The following TONSL variants were observed in gnomAD, a reference collection of about 807,000 sequenced individuals.
TONSL encodes the protein tonsoku-like protein.
TONSL carries 112 observed loss-of-function variants against 147.1 expected under a neutral mutation model. The ratio of observed to expected loss-of-function variants is 0.76; its 90% CI spans 0.65 to 0.89. TONSL has a LOEUF of 0.89. Ranked by LOEUF, TONSL falls within the 40% of genes least tolerant of loss-of-function variation. The probability of loss-of-function intolerance (pLI) is 0.00; values close to 1 mark genes in which losing one functional copy is unlikely to be tolerated. For synonymous variants in TONSL, 868 were observed against 801.5 expected (o/e 1.08, Z -1.40); for missense variants, 1,883 against 1,864.6 (o/e 1.01, Z -0.18).
At position 144,435,038 on chromosome 8, in the gene TONSL, A is replaced by C. The variant is rs772773798; in HGVS notation, c.2985T>G (p.Asp995Glu). The C allele has an allele frequency of 1.2e-6, 2 of 1,612,494 alleles. No individual in the cohort carries two copies. Among genetic ancestry groups the C allele is most frequent in the South Asian group, 2.2e-5 (2 of 90,946 alleles). The part of the protein sequence containing the change: ...ALLAPQDLIP[D>E]VLQSNDEVLA... Reference sequence around the variant, plus strand: ...TCACCTCGTCATTGCTCTGCAGCACATCAGGGATGAGGTCCTGTGGGGCCA... The same window carrying C: ...TCACCTCGTCATTGCTCTGCAGCACCTCAGGGATGAGGTCCTGTGGGGCCA... Residue 995 changes from aspartate to glutamate, a missense_variant, in exon 19 of 26, where the codon GAT becomes GAG. By Grantham distance (45) the Asp-to-Glu change is conservative (BLOSUM62 2). Transcript: ENST00000409379.
intron 3 of TONSL, among the ~76,000 whole-genome samples, chr8:144,443,643 C>T (rs2129702561): frequency 6.6e-6 from 1 of 152,358 alleles, no homozygotes; most frequent in African/African-American, 2.4e-5. Context: ...AACACAAACA[C>T]AGCTAAAATA....
Position 144,444,017 on chromosome 8 carries a change from G to T in TONSL, c.129C>A (p.Tyr43Ter). 6.5e-7 allele frequency: 1 copy of T among 1,536,836 alleles called. No individual in the cohort carries two copies. The change falls in exon 3 of 26, where the codon TAC becomes TAA. Residue 43 changes from tyrosine to a stop codon, truncating the protein, a stop_gained. Transcript: ENST00000409379. LOFTEE classifies it high-confidence loss of function. ...LGELLAGHGR[Y>*]AEALEQHWQE... is the part of the protein sequence containing the mutation. ...GCCAGTGCTGCTCCAGAGCCTCGGC[G>T]TAGCGGCCTAGGCGGGGGCACAGCA...
At chr8:144,431,832 CT>C (rs35278312) in intron 23 of TONSL, among the ~76,000 whole-genome samples, 63,620 of 124,470 alleles carry the variant, frequency 0.51, 15,022 homozygotes, top group Middle Eastern at 0.64. Context: ...CTTTTTCTTT[CT>C]TTTTTTTTTT....
At chr8:144,439,595 C>G (rs886611313) in intron 11 of TONSL, among the ~76,000 whole-genome samples, 1 of 152,246 alleles carries the variant, frequency 6.6e-6, no homozygotes, top group African/African-American at 2.4e-5. Context: ...TCAGTCCAAG[C>G]CCCGCTCCAG....
rs1440254660 is a variant in TONSL, at chr8:144,436,106, G to A, written c.2327C>T (p.Pro776Leu). Residue 776 changes from proline to leucine, a missense_variant, in exon 17 of 26, where the codon CCC becomes CTC. Pro to Leu is a moderately conservative substitution (Grantham distance 98). Coordinates refer to ENST00000409379, the MANE Select transcript of TONSL (RefSeq NM_013432.5). The part of the protein sequence containing the change: ...AQRVAAWTPG[P>L]ASNREAATAS... ...TGTGGCTGCTTCCCTGTTGCTGGCG[G>A]GGCCAGGCGTCCAGGCTGCCACCCG... is the stretch of plus-strand genomic sequence containing the variant. 6.4e-6 allele frequency: 10 copies of A among 1,558,486 alleles called. No homozygotes were observed. Among genetic ancestry groups the A allele is most frequent in the African/African-American group, 1.4e-5 (1 of 73,900 alleles).
At position 144,443,810 on chromosome 8, in the gene TONSL, C is replaced by G; in HGVS notation, c.264+72G>C. On this transcript the variant is annotated intron_variant, in intron 3 of 25. Transcript: ENST00000409379. ...AGCCCGAGGCTCCTGACGGCGAAGA[C>G]CAGGCCTCCCTCCTCAGAAAAGGGC... 8 of 1,525,268 alleles carry G rather than the reference C, an allele frequency of 5.2e-6. No homozygotes were observed. In the South Asian group the frequency reaches 9.7e-5, roughly 18 times the overall value. The allele number at this position is 1,525,268 out of a possible 1,614,324, so 94.5% of individuals were successfully genotyped here.
intron 5 of TONSL, 130 bp downstream of exon 5, chr8:144,442,547 G>A (rs951712759): frequency 1.3e-6 from 2 of 1,486,902 alleles, no homozygotes; most frequent in Admixed American, 4.0e-5. Flanking sequence ...TGTGGCACAG[G>A]TGTGAGAGGT....
chr8:144,436,473 T>G, intron 16 of TONSL, 55 bp from the exon 17 acceptor site: 1 of 1,556,420 alleles, frequency 6.4e-7, no homozygotes, highest in Non-Finnish European at 8.7e-7. Flanking sequence ...CCGCTCCACC[T>G]GTGATGGAGC....
At chr8:144,436,944 C>T (rs767677251) in intron 14 of TONSL, 24 bp from the exon 15 acceptor site, 14 of 1,610,622 alleles carry the variant, frequency 8.7e-6, no homozygotes, top group Non-Finnish European at 1.1e-5. Context: ...GACGTAAGCC[C>T]AGCTCCCGAT....
At position 144,433,634 on chromosome 8, in the gene TONSL, G is replaced by A. The variant is rs139402752; in HGVS notation, c.3513C>T (p.Pro1171=). ...TLRLQACGFG[P]SFFLSHQTAL... ...CTGTCTGGTGGCTCAGAAAGAAGCTGGGGCCGAAGCCACACGCCTGCAGGC... is the reference window on the plus strand; with the variant it reads ...CTGTCTGGTGGCTCAGAAAGAAGCTAGGGCCGAAGCCACACGCCTGCAGGC... The change falls in exon 22 of 26, where the codon CCC becomes CCT. Residue 1171 remains proline (P), a synonymous_variant. Transcript: ENST00000409379. The A allele has an allele frequency of 1.7e-4, 268 of 1,613,400 alleles. 1 individual carries two copies. The African/African-American group carries it at 3.0e-3, about 18-fold the overall frequency.
At position 144,442,148 on chromosome 8, in the gene TONSL, G is replaced by A. The variant is rs746326095; in HGVS notation, c.754C>T (p.Leu252Phe). The A allele has an allele frequency of 2.6e-5, 42 of 1,610,958 alleles. No homozygotes were observed. The highest frequency in any genetic ancestry group is 1.6e-4 in the Middle Eastern group (1 of 6,068). The change falls in exon 7 of 26, where the codon CTC becomes TTC. Residue 252 changes from leucine (L) to phenylalanine (F), a missense_variant. Transcript: ENST00000409379. ...SECCVVIAQV[L>F]QDLGDFLAAK... ...GCCAAAAAGTCTCCCAGGTCTTGGA[G>A]GACCTGGAGAGCAAAGGACAGCAAA... is the stretch of plus-strand genomic sequence containing the variant.
rs1333516276 is a variant in TONSL at position 144,437,011 on chromosome 8, T to C, written c.1726+16A>G. ...GTCCACCAAGGTGCGCCAGGCTCCT[T>C]CTGTCCCTTGCTCACCTAGATGCCC... is the stretch of plus-strand genomic sequence containing the variant. On this transcript the variant is annotated intron_variant, in intron 14 of 25. Coordinates refer to ENST00000409379, the MANE Select transcript of TONSL (RefSeq NM_013432.5). 4 of 1,613,042 alleles carry C rather than the reference T, an allele frequency of 2.5e-6. No homozygotes were observed. Among genetic ancestry groups the C allele is most frequent in the African/African-American group, 1.3e-5 (1 of 74,934 alleles).
At chr8:144,433,377 A>T in intron 22 of TONSL, 1 of 547,158 alleles carries the variant, frequency 1.8e-6, no homozygotes. Context: ...CGCCCGGCCT[A>T]GACGCTTTTT....
intron 11 of TONSL, 148 bp from the exon 12 acceptor site, chr8:144,438,883 C>A: frequency 1.3e-6 from 1 of 781,022 alleles, no homozygotes. Context: ...TCTGGGGGCT[C>A]CTCAGCAATG....
intron 13 of TONSL, 120 bp from the exon 14 acceptor site, chr8:144,437,219 G>A (rs752129801): frequency 1.6e-5 from 16 of 983,888 alleles, no homozygotes; most frequent in African/African-American, 6.4e-5. Flanking sequence ...GAGCAAGTCC[G>A]TGGCCCTGCC....
chr8:144,442,606 A>G (rs1823761291), intron 5 of TONSL, 71 bp downstream of exon 5: 4 of 1,561,630 alleles, frequency 2.6e-6, no homozygotes, highest in Admixed American at 1.8e-5. Context: ...ACTCTGGGAA[A>G]AATACTCCCC....
intron 5 of TONSL, 107 bp from the exon 6 acceptor site, chr8:144,442,519 C>T: frequency 3.4e-6 from 5 of 1,482,426 alleles, no homozygotes; most frequent in Non-Finnish European, 4.5e-6. Context: ...CCTAACCATG[C>T]CTGGCCTTCT....
Position 144,434,283 on chromosome 8 carries a change from C to G in TONSL, c.3086-4G>C, listed in dbSNP as rs368440855. 2.7e-6 allele frequency: 4 copies of G among 1,503,590 alleles called. No individual in the cohort carries two copies. The highest frequency in any genetic ancestry group is 4.5e-5 in the Admixed American group (2 of 43,966). The allele number at this position is 1,503,590 out of a possible 1,614,324, so 93.1% of individuals were successfully genotyped here. A position where few individuals can be genotyped will look rare whatever the true frequency, so the allele number is the denominator to read the frequency against. ...TGCAGCACCTGTTGGTGCTCCCCTG[C>G]GGGAGGGATGTGATGTCACCAGGGT... On this transcript the variant is annotated splice_polypyrimidine_tract_variant and splice_region_variant and intron_variant, in intron 20 of 25. Transcript: ENST00000409379.
intron 3 of TONSL, 117 bp downstream of exon 3, chr8:144,443,765 T>A: frequency 4.3e-6 from 6 of 1,397,654 alleles, no homozygotes; most frequent in Non-Finnish European, 5.8e-6. Flanking sequence ...CAAGGCTGCG[T>A]CAGGTCAGGT....
Sources: allele counts gnomAD v4.1 joint callset (sites outside exome capture counted in the v4.1 genomes callset), GRCh38; gene constraint gnomAD v4.1.1; transcripts MANE v1.5; gene names NCBI Gene and HGNC (gene_info 2026-07-23, HGNC 2026-07-21).